The following TLN2 variants were observed in gnomAD, a reference collection of about 807,000 sequenced individuals.
TLN2 encodes the protein talin-2.
A neutral mutation model predicts 294.7 loss-of-function variants in TLN2; 118 were observed. The ratio of observed to expected loss-of-function variants is 0.40; its 90% CI spans 0.34 to 0.47. The LOEUF (loss-of-function observed/expected upper bound fraction) is 0.47, where lower values mean the gene tolerates loss of function less well. Among genes scored for constraint, TLN2 ranks in the 20% least tolerant of loss-of-function variants. TLN2 has a pLI of 0.84. For synonymous variants in TLN2, 1,431 were observed against 1,304.5 expected, an observed-to-expected ratio of 1.10 and a Z score of -2.09; for missense variants, 3,083 against 3,282.2, an observed-to-expected ratio of 0.94 and a Z score of 1.48.
At chr15:62,605,503 C>G in intron 2 of TLN2, among the ~76,000 whole-genome samples, 1 of 152,174 alleles carries the variant, frequency 6.6e-6, no homozygotes, top group African/African-American at 2.4e-5. Context: ...GGAACAGGCT[C>G]TGGGCTGAGC....
Position 62,767,874 on chromosome 15 carries a change from A to G in TLN2, c.5196+1452A>G, listed in dbSNP as rs528194990. ...TGGATGTCTTTGGAGGACAATACCC[A>G]TGTCTCTGCGGATACTTCATTAGTA... On this transcript the variant is annotated intron_variant, in intron 41 of 58. Coordinates refer to ENST00000636159, the MANE Select transcript of TLN2 (RefSeq NM_015059.3). Among the ~76,000 whole-genome samples the G allele has an allele frequency of 3.3e-5, 5 of 152,332 alleles. No homozygotes were observed. In the East Asian group the frequency reaches 5.8e-4, roughly 18 times the overall value.
In TLN2 at chr15:62,819,634, C is replaced by T; in HGVS notation, c.6877+13C>T. On this transcript the variant is annotated intron_variant, in intron 53 of 58. Coordinates refer to ENST00000636159, the MANE Select transcript of TLN2 (RefSeq NM_015059.3). ...GAAGCCATGAAAGGTAGGCTGGATT[C>T]TCACGTCTTGGTGGAGGGCAACCCT... is the stretch of plus-strand genomic sequence containing the variant. 1 of 1,605,686 alleles carries T rather than the reference C, an allele frequency of 6.2e-7. No homozygotes were observed. Among genetic ancestry groups the T allele is most frequent in the Non-Finnish European group, 8.5e-7 (1 of 1,178,830 alleles).
At chr15:62,545,614 TC>T (rs953432382) in intron 1 of TLN2, among the ~76,000 whole-genome samples, 2 of 152,012 alleles carry the variant, frequency 1.3e-5, no homozygotes, top group African/African-American at 4.8e-5. Flanking sequence ...GCTGCAAATC[TC>T]CTGCAAATTT....
At chr15:62,779,837 G>C (rs2064000786) in intron 43 of TLN2, among the ~76,000 whole-genome samples, 1 of 152,248 alleles carries the variant, frequency 6.6e-6, no homozygotes, top group Non-Finnish European at 1.5e-5. Context: ...TTAATAGTTT[G>C]GTGAAAATTA....
At chr15:62,679,789 T>C (rs1422554751) in intron 11 of TLN2, among the ~76,000 whole-genome samples, 2 of 152,262 alleles carry the variant, frequency 1.3e-5, no homozygotes, top group South Asian at 2.1e-4. Flanking sequence ...TAGAATGACA[T>C]TGATACAATC....
intron 52 of TLN2, among the ~76,000 whole-genome samples, chr15:62,814,812 T>C (rs1004754755): frequency 5.3e-5 from 8 of 152,178 alleles, no homozygotes; most frequent in African/African-American, 1.9e-4. Context: ...AAAAATAAAT[T>C]CACGTTCACA....
intron 1 of TLN2, among the ~76,000 whole-genome samples, chr15:62,580,605 T>A (rs567619909): frequency 1.1e-4 from 16 of 152,186 alleles, no homozygotes; most frequent in African/African-American, 3.9e-4. Flanking sequence ...GAGATGGGGT[T>A]TTGCCATGTT....
intron 9 of TLN2, among the ~76,000 whole-genome samples, chr15:62,671,361 G>T (rs2140999385): frequency 6.6e-6 from 1 of 152,100 alleles, no homozygotes; most frequent in African/African-American, 2.4e-5. Context: ...CCTAAATCAA[G>T]TTTGTAAAGA....
At chr15:62,467,491 G>A (rs1028387829) in intron 1 of TLN2, among the ~76,000 whole-genome samples, 2 of 152,034 alleles carry the variant, frequency 1.3e-5, no homozygotes, top group African/African-American at 2.4e-5. Flanking sequence ...TCAGGAGTTC[G>A]AGACCAGCCC....
chr15:62,593,316 T>C (rs892284769), intron 2 of TLN2, among the ~76,000 whole-genome samples: 2 of 152,248 alleles, frequency 1.3e-5, no homozygotes, highest in African/African-American at 4.8e-5. Context: ...TGAGAGTTCT[T>C]CTTAGCACTG....
At chr15:62,752,086 A>T (rs1258799657) in intron 34 of TLN2, among the ~76,000 whole-genome samples, 2 of 152,206 alleles carry the variant, frequency 1.3e-5, no homozygotes, top group African/African-American at 4.8e-5. Flanking sequence ...ACTGCTTGGA[A>T]TACAGATAAC....
intron 3 of TLN2, among the ~76,000 whole-genome samples, chr15:62,619,520 G>GC (rs1221225968): frequency 2.0e-5 from 3 of 152,156 alleles, no homozygotes; most frequent in South Asian, 2.1e-4. Context: ...TGACCCACCT[G>GC]CCCCCCTGCC....
chr15:62,438,487 A>G (rs1011426082), intron 1 of TLN2, among the ~76,000 whole-genome samples: 1 of 152,202 alleles, frequency 6.6e-6, no homozygotes, highest in South Asian at 2.1e-4. Context: ...ACCTTTAAAC[A>G]TTAAGGAGTT....
At chr15:62,835,844 T>C (rs1363623351) in intron 56 of TLN2, 45 bp downstream of exon 56, 2 of 1,614,174 alleles carry the variant, frequency 1.2e-6, no homozygotes, top group South Asian at 1.1e-5. Flanking sequence ...TGGGGTCCCC[T>C]GAGGGAGGTT....
At chr15:62,709,130 T>A (rs1335182036) in intron 21 of TLN2, among the ~76,000 whole-genome samples, 1 of 152,108 alleles carries the variant, frequency 6.6e-6, no homozygotes, top group African/African-American at 2.4e-5. Flanking sequence ...AGATCAAGGC[T>A]TGGAATTTAA....
At chr15:62,660,822 T>G (rs1300084618) in intron 9 of TLN2, among the ~76,000 whole-genome samples, 1 of 152,234 alleles carries the variant, frequency 6.6e-6, no homozygotes, top group Non-Finnish European at 1.5e-5. Context: ...CTTGCTGTTT[T>G]TGAATCTACA....
chr15:62,615,403 AGCAGGCCTACCATGTAATGGTGGGT>A (rs1402064788), intron 2 of TLN2, among the ~76,000 whole-genome samples: 1 of 152,254 alleles, frequency 6.6e-6, no homozygotes, highest in Non-Finnish European at 1.5e-5. Flanking sequence ...ACACTACTCT[AGCAGGCCTACCATGTAATGGTGGGT>A]GCAGCCCACC....
chr15:62,506,607 G>A (rs1005487839), intron 1 of TLN2, among the ~76,000 whole-genome samples: 5 of 152,204 alleles, frequency 3.3e-5, no homozygotes, highest in Non-Finnish European at 4.4e-5. Context: ...GGTTGGGGGA[G>A]TTTTAAATTG....
chr15:62,809,944 A>C lies in TLN2; in HGVS notation c.6683A>C (p.Asp2228Ala). 6.2e-7 allele frequency: 1 copy of C among 1,614,076 alleles called. No individual in the cohort carries two copies. The highest frequency in any genetic ancestry group is 8.5e-7 in the Non-Finnish European group (1 of 1,180,022). The change falls in exon 52 of 59, where the codon GAT becomes GCT. Residue 2228 changes from aspartate to alanine, a missense_variant. Physicochemically the swap from Asp to Ala is moderately radical, Grantham distance 126. Transcript: ENST00000636159. ...TACKQASFHP[D>A]VSDEVRTRAL... ...CTCCAGCAAGCATCCTTCCACCCCG[A>C]TGTCAGTGACGAGGTGAGAACCAGA...
Sources: gnomAD v4.1 joint callset for allele counts (sites outside exome capture counted in the v4.1 genomes callset) on GRCh38, gnomAD v4.1.1 for gene constraint, MANE v1.5 for transcripts, NCBI Gene and HGNC (gene_info 2026-07-23, HGNC 2026-07-21) for gene names.